Variants in SYNE1 observed in about 807,000 individuals in gnomAD.
The protein encoded by SYNE1 is spectrin repeat containing nuclear envelope protein 1, also known as nesprin-1.
SYNE1 carries 616 observed loss-of-function variants against 1,111.0 expected under a neutral mutation model. That is an observed-to-expected ratio of 0.55 (90% CI 0.52 to 0.59). The LOEUF is 0.59. Among genes scored for constraint, SYNE1 ranks in the 20% least tolerant of loss-of-function variants. The probability of loss-of-function intolerance (pLI) is 0.00; values close to 1 mark genes in which losing one functional copy is unlikely to be tolerated. For synonymous variants in SYNE1, 3,855 were observed against 3,825.8 expected (o/e 1.01, Z -0.28); for missense variants, 10,006 against 10,417.0 (o/e 0.96, Z 1.72).
Position 152,396,856 on chromosome 6 carries a change from G to T in SYNE1, c.7475C>A (p.Ala2492Asp), listed in dbSNP as rs773876679. The T allele has an allele frequency of 7.4e-6, 12 of 1,613,964 alleles. No homozygotes were observed. In the East Asian group the frequency reaches 2.2e-4, roughly 30 times the overall value. The part of the protein sequence containing the change: ...VSSIQEQITK[A>D]NEEFQAFLKQ... The stretch of plus-strand genomic sequence containing the variant: ...CAGAAATGCTTGAAACTCTTCATTG[G>T]CCTTTGTGATTTGTTCTTGAATGCT... The change falls in exon 50 of 146, where the codon GCC becomes GAC. Residue 2492 changes from alanine to aspartate, a missense_variant. Physicochemically the swap from Ala to Asp is moderately radical, Grantham distance 126. Transcript: ENST00000367255.
At chr6:152,578,251 C>T (rs543592084) in intron 3 of SYNE1, among the ~76,000 whole-genome samples, 18 of 152,214 alleles carry the variant, frequency 1.2e-4, no homozygotes, top group African/African-American at 2.6e-4. Flanking sequence ...CACCTTCACC[C>T]GGTCTGCCCC....
intron 140 of SYNE1, among the ~76,000 whole-genome samples, chr6:152,137,041 T>C (rs189684873): frequency 4.2e-4 from 64 of 151,590 alleles, no homozygotes; most frequent in Non-Finnish European, 8.1e-4. Flanking sequence ...GAAAACAGGG[T>C]GTAGAGTGAA....
rs2095808105 is a variant in SYNE1, at chr6:152,319,105, T to C, written c.16237-90A>G. 6 of 1,544,730 alleles carry C rather than the reference T, an allele frequency of 3.9e-6. No individual in the cohort carries two copies. In the South Asian group the frequency reaches 5.8e-5, roughly 15 times the overall value. On this transcript the variant is annotated intron_variant, in intron 84 of 145. Transcript: ENST00000367255. ...TCTCAAATGATGTTGACAAGACACA[T>C]TTTAACTGCTTTGGCATTGAAACAC...
At chr6:152,138,174 TGGAGG>T (rs1266295938) in intron 140 of SYNE1, among the ~76,000 whole-genome samples, 1 of 152,134 alleles carries the variant, frequency 6.6e-6, no homozygotes, top group African/African-American at 2.4e-5. Context: ...TTGGATCACC[TGGAGG>T]GGAGATTCAT....
At chr6:152,392,543 C>T (rs977425681) in intron 51 of SYNE1, among the ~76,000 whole-genome samples, 3 of 152,138 alleles carry the variant, frequency 2.0e-5, no homozygotes, top group East Asian at 3.9e-4. Context: ...GCAAATCTCT[C>T]GTGGAAACTG....
chr6:152,143,625 A>G lies in SYNE1; in HGVS notation c.25117T>C (p.Tyr8373His), dbSNP rs1404229328. Residue 8373 changes from tyrosine to histidine, a missense_variant and splice_region_variant, in exon 138 of 146, where the codon TAC becomes CAC. Coordinates refer to ENST00000367255, the MANE Select transcript of SYNE1 (RefSeq NM_182961.4). ...GPELDTSYKG[Y>H]MKLLGECSSS... ...ATCAGGATGGCCAGGATACTTACGTAGCCTTTGTAGCTGGTGTCTAGCTCC... is the reference window on the plus strand; with the variant it reads ...ATCAGGATGGCCAGGATACTTACGTGGCCTTTGTAGCTGGTGTCTAGCTCC... 1 of 1,614,176 alleles carries G rather than the reference A, an allele frequency of 6.2e-7. No individual in the cohort carries two copies. Among genetic ancestry groups the G allele is most frequent in the Non-Finnish European group, 8.5e-7 (1 of 1,180,036 alleles).
intron 130 of SYNE1, among the ~76,000 whole-genome samples, chr6:152,176,005 G>T: frequency 6.9e-6 from 1 of 145,134 alleles, no homozygotes. Flanking sequence ...ATATGGCAGA[G>T]ATTTAGTAAT....
chr6:152,323,749 T>C lies in SYNE1; in HGVS notation c.15658-12A>G, dbSNP rs1414627015. 1.2e-6 allele frequency: 2 copies of C among 1,613,874 alleles called. No individual in the cohort carries two copies. The highest frequency in any genetic ancestry group is 1.7e-6 in the Non-Finnish European group (2 of 1,179,984). ...GTGGCCTTTTTAACCTGATGACAAATGTACATACTATGAAGTTCAATAATA... is the reference window on the plus strand; with the variant it reads ...GTGGCCTTTTTAACCTGATGACAAACGTACATACTATGAAGTTCAATAATA... On this transcript the variant is annotated splice_polypyrimidine_tract_variant and intron_variant, in intron 81 of 145. Coordinates refer to ENST00000367255, the MANE Select transcript of SYNE1 (RefSeq NM_182961.4).
At chr6:152,612,485 T>C (rs933690726) in intron 3 of SYNE1, among the ~76,000 whole-genome samples, 1 of 152,180 alleles carries the variant, frequency 6.6e-6, no homozygotes, top group Admixed American at 6.5e-5. Context: ...TAACAGGCTC[T>C]GAAATTGAGG....
chr6:152,268,291 A>G, intron 99 of SYNE1, 126 bp from the exon 100 acceptor site: 1 of 741,036 alleles, frequency 1.3e-6, no homozygotes, highest in Non-Finnish European at 2.4e-6. Flanking sequence ...CATATTGCAT[A>G]AAGCATGAGG....
intron 128 of SYNE1, among the ~76,000 whole-genome samples, 155 bp from the exon 129 acceptor site, chr6:152,180,449 G>A (rs1434608767): frequency 6.6e-6 from 1 of 152,190 alleles, no homozygotes; most frequent in African/African-American, 2.4e-5. Flanking sequence ...CTATTATAAA[G>A]TGGGAGACAT....
At chr6:152,352,868 T>A (rs2096766909) in intron 69 of SYNE1, among the ~76,000 whole-genome samples, 1 of 152,224 alleles carries the variant, frequency 6.6e-6, no homozygotes, top group Admixed American at 6.5e-5. Flanking sequence ...GATCAATATA[T>A]CATTTCCAAA....
chr6:152,344,301 A>G (rs2096592579), intron 73 of SYNE1, 74 bp from the exon 74 acceptor site: 1 of 1,595,974 alleles, frequency 6.3e-7, no homozygotes, highest in Admixed American at 1.7e-5. Context: ...AATTCAATGA[A>G]ACATGACCAG....
At chr6:152,547,357 T>C (rs764126827) in intron 3 of SYNE1, among the ~76,000 whole-genome samples, 23 of 152,332 alleles carry the variant, frequency 1.5e-4, no homozygotes, top group Non-Finnish European at 2.8e-4. Flanking sequence ...CGGAGGCTGA[T>C]TGGGCAGTGA....
chr6:152,498,110 T>C (rs772992211), intron 11 of SYNE1, among the ~76,000 whole-genome samples: 1 of 152,228 alleles, frequency 6.6e-6, no homozygotes, highest in Non-Finnish European at 1.5e-5. Context: ...CCAATGTTGA[T>C]ATAAATACAA....
Position 152,505,233 on chromosome 6 carries a change from T to C in SYNE1, c.746A>G (p.Glu249Gly). 1 of 1,614,086 alleles carries C rather than the reference T, an allele frequency of 6.2e-7. No homozygotes were observed. Among genetic ancestry groups the C allele is most frequent in the East Asian group, 2.2e-5 (1 of 44,870 alleles). Residue 249 changes from glutamate (E) to glycine (G), a missense_variant, in exon 9 of 146, where the codon GAA becomes GGA. By Grantham distance (98) the Glu-to-Gly change is moderately conservative. Around this residue, in one of 7 missense-constraint regions of SYNE1, gnomAD observed 1,971 missense variants for 2,084.1 expected, o/e 0.95. Transcript: ENST00000367255. ...ATCTAGCAGTCTTGGGATCCCCAGT[T>C]CTGTTTCGGCGATAGTGAAAGCATC... ...LEDAFTIAETELGIPRLLDPE... is the reference protein window; with the variant it reads ...LEDAFTIAETGLGIPRLLDPE...
chr6:152,157,947 C>T (rs140002460), intron 131 of SYNE1, among the ~76,000 whole-genome samples: 1 of 151,928 alleles, frequency 6.6e-6, no homozygotes, highest in Non-Finnish European at 1.5e-5. Context: ...TTAGTAGAGA[C>T]GGGGTTTCCC....
Position 152,451,175 on chromosome 6 carries a change from G to A in SYNE1, c.3058C>T (p.Leu1020Phe), listed in dbSNP as rs775924781. Reference sequence around the variant, plus strand: ...TTCTCCACATCAATCTTCAGATGAAGCAAATGATAAGGGGCTTCTCCTTGA... The same window carrying A: ...TTCTCCACATCAATCTTCAGATGAAACAAATGATAAGGGGCTTCTCCTTGA... ...DLQGEAPYHL[L>F]HLKIDVEKNR... Residue 1020 changes from leucine to phenylalanine, a missense_variant, in exon 26 of 146, where the codon CTT becomes TTT. Coordinates refer to ENST00000367255, the MANE Select transcript of SYNE1 (RefSeq NM_182961.4). 1 of 1,613,828 alleles carries A rather than the reference G, an allele frequency of 6.2e-7. No individual in the cohort carries two copies. Among genetic ancestry groups the A allele is most frequent in the African/African-American group, 1.3e-5 (1 of 74,856 alleles).
intron 130 of SYNE1, among the ~76,000 whole-genome samples, chr6:152,174,964 C>T (rs1460537243): frequency 6.6e-6 from 1 of 152,172 alleles, no homozygotes; most frequent in African/African-American, 2.4e-5. Context: ...GAGGCCGAGG[C>T]GGGTGGCTCA....
Sources: allele counts gnomAD v4.1 joint callset (sites outside exome capture counted in the v4.1 genomes callset), GRCh38; gene constraint gnomAD v4.1.1; regional missense constraint gnomAD v4.1.1; transcripts MANE v1.5; gene names NCBI Gene and HGNC (gene_info 2026-07-23, HGNC 2026-07-21).